FBN3: variants seen among roughly 807,000 people sequenced by gnomAD.
The protein encoded by FBN3 is fibrillin-3.
In FBN3, 234 loss-of-function variants were observed where a neutral mutation model predicts 330.1. That is an observed-to-expected ratio of 0.71 (90% CI 0.64 to 0.79). The LOEUF is 0.79. Ranked by LOEUF, FBN3 falls within the 30% of genes least tolerant of loss-of-function variation. The probability of loss-of-function intolerance (pLI) is 0.00; values close to 1 mark genes in which losing one functional copy is unlikely to be tolerated. For synonymous variants in FBN3, 1,458 were observed against 1,517.3 expected, an observed-to-expected ratio of 0.96 and a Z score of 0.91; for missense variants, 3,606 against 3,886.9, an observed-to-expected ratio of 0.93 and a Z score of 1.92.
chr19:8,068,974 G>A (rs1026736184), intron 63 of FBN3, among the ~76,000 whole-genome samples: 3 of 152,164 alleles, frequency 2.0e-5, no homozygotes, highest in Non-Finnish European at 4.4e-5. Flanking sequence ...AGACCCAGCA[G>A]CCAGGGGATT....
Position 8,109,135 on chromosome 19 carries a change from C to T in FBN3, c.4618+92G>A. 1 of 1,291,864 alleles carries T rather than the reference C, an allele frequency of 7.7e-7. No homozygotes were observed. The highest frequency in any genetic ancestry group is 1.1e-6 in the Non-Finnish European group (1 of 934,338). The allele number at this position is 1,291,864 out of a possible 1,614,324, so 80.0% of individuals were successfully genotyped here. On this transcript the variant is annotated intron_variant, in intron 36 of 63. Transcript: ENST00000600128. The surrounding 1 kb of genome is among the most constrained non-coding windows in gnomAD (Gnocchi z 5.2). The stretch of plus-strand genomic sequence containing the variant: ...TTCTTGGTTTTCCTGTCGCCTAAGC[C>T]CCCCACCACCGCCATTAGCAGAGGT...
intron 46 of FBN3, 61 bp downstream of exon 46, chr19:8,095,314 C>T: frequency 6.5e-7 from 1 of 1,538,780 alleles, no homozygotes. Context: ...AAGTACCAAA[C>T]TGTGGTGTAC....
intron 59 of FBN3, among the ~76,000 whole-genome samples, chr19:8,076,400 A>T (rs2145386739): frequency 6.6e-6 from 1 of 152,202 alleles, no homozygotes. Context: ...TGGGAGGCCT[A>T]GGGAGCCTCC....
intron 18 of FBN3, among the ~76,000 whole-genome samples, chr19:8,127,429 TG>T (rs2083020967): frequency 6.6e-6 from 1 of 152,170 alleles, no homozygotes; most frequent in Non-Finnish European, 1.5e-5. Flanking sequence ...TGGGGTTTTT[TG>T]TTTGTTTGCT....
rs574467360 is a variant in FBN3 at position 8,072,200 on chromosome 19, T to TG, written c.7938-3dup. Reference sequence around the variant, plus strand: ...AAGCCCAGGCCGGAGACACAGTGCCTGGGCCAGGATGGGCAGGGTGGAGGG... The same window carrying TG: ...AAGCCCAGGCCGGAGACACAGTGCCTGGGGCCAGGATGGGCAGGGTGGAGGG... On this transcript the variant is annotated splice_region_variant and splice_polypyrimidine_tract_variant and intron_variant, in intron 62 of 63. Transcript: ENST00000600128. The TG allele has an allele frequency of 2.0e-6, 3 of 1,525,400 alleles. No individual in the cohort carries two copies. In the South Asian group the frequency reaches 3.8e-5, roughly 19 times the overall value. The allele number at this position is 1,525,400 out of a possible 1,614,324, so 94.5% of individuals were successfully genotyped here. A position where few individuals can be genotyped will look rare whatever the true frequency, so the allele number is the denominator to read the frequency against.
At chr19:8,145,693 A>G in intron 5 of FBN3, 150 bp downstream of exon 5, 1 of 588,308 alleles carries the variant, frequency 1.7e-6, no homozygotes, top group East Asian at 3.0e-5. Context: ...AAAAAAAAAA[A>G]AAAAAAAGAG....
rs1599282447 is a variant in FBN3, at chr19:8,081,397, G to C, written c.7297C>G (p.Arg2433Gly). The C allele has an allele frequency of 6.2e-7, 1 of 1,611,846 alleles. No individual in the cohort carries two copies. Among genetic ancestry groups the C allele is most frequent in the Non-Finnish European group, 8.5e-7 (1 of 1,178,876 alleles). Reference sequence around the variant, plus strand: ...CCATCCTCCTCCAGCAGGTAGCCTCGGGGACAGCTGCACAGGAAACTGCCC... The same window carrying C: ...CCATCCTCCTCCAGCAGGTAGCCTCCGGGACAGCTGCACAGGAAACTGCCC... ...TKGSFLCSCPRGYLLEEDGRT... is the reference protein window; with the variant it reads ...TKGSFLCSCPGGYLLEEDGRT... The change falls in exon 58 of 64, where the codon CGA becomes GGA. Residue 2433 changes from arginine (R) to glycine (G), a missense_variant. Physicochemically the swap from Arg to Gly is moderately radical, Grantham distance 125 (BLOSUM62 -2). Coordinates refer to ENST00000600128, the MANE Select transcript of FBN3 (RefSeq NM_032447.5).
chr19:8,147,091 C>T lies in FBN3; in HGVS notation c.250+13G>A, dbSNP rs776450447. On this transcript the variant is annotated intron_variant, in intron 3 of 63. Coordinates refer to ENST00000600128, the MANE Select transcript of FBN3 (RefSeq NM_032447.5). ...CCTGTGCCCCCCCACCTCCAGACGGCGGTAGCACTCACGTACGACACACTG... is the reference window on the plus strand; with the variant it reads ...CCTGTGCCCCCCCACCTCCAGACGGTGGTAGCACTCACGTACGACACACTG... 41 of 1,549,288 alleles carry T rather than the reference C, an allele frequency of 2.6e-5. No individual in the cohort carries two copies. The highest frequency in any genetic ancestry group is 3.9e-5 in the Admixed American group (2 of 51,648).
intron 1 of FBN3, among the ~76,000 whole-genome samples, chr19:8,147,938 G>C (rs186092304): frequency 6.6e-6 from 1 of 152,082 alleles, no homozygotes; most frequent in Admixed American, 6.5e-5. Context: ...TCCCGGGGGG[G>C]AAACAGGGTG....
intron 59 of FBN3, among the ~76,000 whole-genome samples, chr19:8,079,915 T>G (rs1360038771): frequency 1.3e-5 from 2 of 152,202 alleles, no homozygotes; most frequent in Non-Finnish European, 2.9e-5. Context: ...TTTCTTGTTA[T>G]GTCTGCCTCT....
intron 1 of FBN3, chr19:8,148,705 G>A (rs947753959): frequency 1.3e-5 from 2 of 152,326 alleles, no homozygotes; most frequent in Non-Finnish European, 2.9e-5. Context: ...TGGGCGGGGA[G>A]CCCTGCTGTG....
intron 63 of FBN3, among the ~76,000 whole-genome samples, chr19:8,070,931 A>G (rs1049046646): frequency 6.6e-6 from 1 of 151,836 alleles, no homozygotes; most frequent in Non-Finnish European, 1.5e-5. Flanking sequence ...CTGAGGCAGG[A>G]GAATCGCCTG....
chr19:8,072,258 C>T, intron 62 of FBN3, 60 bp from the exon 63 acceptor site: 1 of 1,449,762 alleles, frequency 6.9e-7, no homozygotes, highest in South Asian at 1.4e-5. Context: ...ACCTCCCCAG[C>T]CACGCCGCTC....
chr19:8,088,885 G>A (rs908828502), intron 51 of FBN3, among the ~76,000 whole-genome samples: 2 of 151,962 alleles, frequency 1.3e-5, no homozygotes, highest in African/African-American at 4.8e-5. Context: ...ATGAATGAGT[G>A]AGTGAATGAA....
rs1555723748 is a variant in FBN3, at chr19:8,073,002, TGC to T, written c.7937+59_7937+60del. 1.5e-3 allele frequency: 1,364 copies of T among 930,258 alleles called. 12 individuals are homozygous for T. The African/African-American group carries it at 0.016, about 11-fold the overall frequency. 57.6% of individuals were successfully genotyped at this position (930,258 alleles called of 1,614,324 possible). A position where few individuals can be genotyped will look rare whatever the true frequency, so the allele number is the denominator to read the frequency against. On this transcript the variant is annotated intron_variant, in intron 62 of 63. Coordinates refer to ENST00000600128, the MANE Select transcript of FBN3 (RefSeq NM_032447.5). ...GTGTGTGTGTGTGTGTGTGTGTGTG[TGC>T]GTGCGTGCATGGACGCTTGCGGGGC...
At chr19:8,120,744 T>C (rs553614069) in intron 25 of FBN3, among the ~76,000 whole-genome samples, 2 of 152,324 alleles carry the variant, frequency 1.3e-5, no homozygotes, top group Admixed American at 1.3e-4. Flanking sequence ...CTCAAAATGC[T>C]GGGATTACAG....
intron 51 of FBN3, among the ~76,000 whole-genome samples, chr19:8,089,301 G>A (rs181337944): frequency 6.6e-6 from 1 of 152,302 alleles, no homozygotes; most frequent in African/African-American, 2.4e-5. Flanking sequence ...GAATGAGTCA[G>A]TAAATGAATA....
chr19:8,136,111 C>G (rs996106705), intron 12 of FBN3, 25 bp from the exon 13 acceptor site: 1 of 1,612,710 alleles, frequency 6.2e-7, no homozygotes, highest in Non-Finnish European at 8.5e-7. Context: ...GGCGGGCAGT[C>G]AAGAGGTGCT....
rs1168493801 is a variant in FBN3, at chr19:8,137,347, TTAGATCCCTCCAACCTGGAGCC to T, written c.1201+772_1201+793del. ...CCTTAGATCCCTCCAACCTGGGGCC[TTAGATCCCTCCAACCTGGAGCC>T]TAGATCCCTCCAACCTGGAGCCTAG... On this transcript the variant is annotated intron_variant, in intron 10 of 63. Coordinates refer to ENST00000600128, the MANE Select transcript of FBN3 (RefSeq NM_032447.5). Among the ~76,000 whole-genome samples the T allele has an allele frequency of 7.8e-3, 875 of 111,728 alleles. 9 individuals are homozygous for T. Among genetic ancestry groups the T allele is most frequent in the African/African-American group, 0.018 (531 of 29,056 alleles). The allele number at this position is 111,728 out of a possible 152,430, so 73.3% of individuals were successfully genotyped here.
Sources: allele counts gnomAD v4.1 joint callset (sites outside exome capture counted in the v4.1 genomes callset), GRCh38; gene constraint gnomAD v4.1.1; non-coding constraint Gnocchi (gnomAD v3.1); transcripts MANE v1.5; gene names NCBI Gene and HGNC (gene_info 2026-07-23, HGNC 2026-07-21).